DAB1: variants seen among roughly 807,000 people sequenced by gnomAD.
DAB1 encodes DAB adaptor protein 1, also known as disabled homolog 1.
DAB1 carries 15 observed loss-of-function variants against 64.6 expected under a neutral mutation model. The ratio of observed to expected loss-of-function variants is 0.23; its 90% CI spans 0.16 to 0.36. The LOEUF (loss-of-function observed/expected upper bound fraction) is 0.36, where lower values mean the gene tolerates loss of function less well. Among genes scored for constraint, DAB1 ranks in the 10% least tolerant of loss-of-function variants. The probability of loss-of-function intolerance (pLI) is 1.00; values close to 1 mark genes in which losing one functional copy is unlikely to be tolerated. For missense variants in DAB1, 596 were observed against 706.7 expected (o/e 0.84, Z 1.78); for synonymous variants, 235 against 251.9 (o/e 0.93, Z 0.64).
chr1:57,927,661 TTGTTA>T (rs1392458892), intron 5 of DAB1, among the ~76,000 whole-genome samples: 3 of 152,250 alleles, frequency 2.0e-5, no homozygotes, highest in Non-Finnish European at 4.4e-5. Context: ...TTATAGCGAC[TTGTTA>T]TGTTAAGTCA....
intron 5 of DAB1, among the ~76,000 whole-genome samples, chr1:58,043,048 T>C (rs1014127086): frequency 2.0e-5 from 3 of 152,134 alleles, no homozygotes; most frequent in Non-Finnish European, 4.4e-5. Context: ...AAGGAGTGTA[T>C]AAAGGAAATA....
At chr1:58,493,615 C>T (rs1645740520) in intron 3 of DAB1, among the ~76,000 whole-genome samples, 1 of 151,480 alleles carries the variant, frequency 6.6e-6, no homozygotes, top group South Asian at 2.1e-4. Context: ...CATTCTTATA[C>T]ACCAATAACA....
intron 7 of DAB1, among the ~76,000 whole-genome samples, chr1:57,604,572 G>A (rs1524711): frequency 0.43 from 65,890 of 151,846 alleles, 16,289 homozygotes; most frequent in Non-Finnish European, 0.55. Flanking sequence ...TATAAACTAC[G>A]GACCCACAGA....
intron 2 of DAB1, among the ~76,000 whole-genome samples, chr1:57,146,163 T>C (rs1355164269): frequency 6.6e-6 from 1 of 152,238 alleles, no homozygotes; most frequent in African/African-American, 2.4e-5. Flanking sequence ...AAGCGCTTCA[T>C]GCCAGATGTT....
chr1:57,016,216 T>C (rs1646425194), intron 11 of DAB1, among the ~76,000 whole-genome samples: 2 of 152,080 alleles, frequency 1.3e-5, no homozygotes, highest in South Asian at 4.1e-4. Context: ...ACAAGAGCCA[T>C]GTAATAAATG....
chr1:58,283,588 A>G (rs973304225), intron 4 of DAB1, among the ~76,000 whole-genome samples: 3 of 152,180 alleles, frequency 2.0e-5, no homozygotes, highest in Non-Finnish European at 4.4e-5. Context: ...CACATAAGTG[A>G]CTGTGCAAAC....
intron 6 of DAB1, among the ~76,000 whole-genome samples, chr1:57,710,289 C>G (rs141242178): frequency 1.3e-5 from 2 of 152,218 alleles, no homozygotes; most frequent in African/African-American, 4.8e-5. Context: ...TTACTTCTGC[C>G]TGGTGTCTCA....
intron 5 of DAB1, among the ~76,000 whole-genome samples, chr1:57,961,908 G>T (rs1219353954): frequency 1.3e-5 from 2 of 151,764 alleles, no homozygotes; most frequent in Admixed American, 6.6e-5. Flanking sequence ...GGAGGCGGAG[G>T]TTGCAGTGAG....
chr1:57,650,850 C>G (rs1004909092), intron 6 of DAB1, among the ~76,000 whole-genome samples: 25 of 152,130 alleles, frequency 1.6e-4, no homozygotes, highest in Admixed American at 2.0e-4. Flanking sequence ...CCATCTCTGC[C>G]TCCCCTGTTT....
chr1:57,107,377 TAAAAAAA>T (rs57669509), intron 4 of DAB1, among the ~76,000 whole-genome samples: 1 of 139,094 alleles, frequency 7.2e-6, no homozygotes. Flanking sequence ...TCTGTTTCAT[TAAAAAAA>T]AAAAAAAAAA....
At chr1:58,240,719 G>A (rs1220606765) in intron 4 of DAB1, among the ~76,000 whole-genome samples, 1 of 152,198 alleles carries the variant, frequency 6.6e-6, no homozygotes, top group Non-Finnish European at 1.5e-5. Context: ...TTCACTGGAA[G>A]CTGATGCACT....
intron 7 of DAB1, among the ~76,000 whole-genome samples, chr1:57,449,402 C>T (rs1205434127): frequency 2.2e-5 from 3 of 134,310 alleles, no homozygotes; most frequent in Admixed American, 7.6e-5. Context: ...TTTTTTTTGA[C>T]GTGGTCTTGC....
intron 7 of DAB1, among the ~76,000 whole-genome samples, chr1:57,617,734 G>A (rs1645805773): frequency 6.6e-6 from 1 of 152,152 alleles, no homozygotes; most frequent in Non-Finnish European, 1.5e-5. Context: ...TGGGAAAACA[G>A]AGAATCAGAG....
At chr1:58,098,507 G>C (rs551493029) in intron 5 of DAB1, among the ~76,000 whole-genome samples, 1 of 152,246 alleles carries the variant, frequency 6.6e-6, no homozygotes, top group Admixed American at 6.5e-5. Context: ...ACCCTCTGCT[G>C]ATGCTCCCTG....
chr1:58,314,622 T>C (rs1234986380), intron 4 of DAB1, among the ~76,000 whole-genome samples: 3 of 152,194 alleles, frequency 2.0e-5, no homozygotes, highest in Non-Finnish European at 4.4e-5. Flanking sequence ...GTGTTATTCT[T>C]GCTCCATTTT....
At chr1:57,884,527 T>A (rs1302133815), upstream of DAB1, among the ~76,000 whole-genome samples, 2 of 152,232 alleles carry the variant, frequency 1.3e-5, no homozygotes, top group African/African-American at 4.8e-5. Context: ...GATGAATCTA[T>A]CTGTAGGATA....
intron 7 of DAB1, among the ~76,000 whole-genome samples, chr1:57,571,352 C>A (rs964545294): frequency 6.6e-6 from 1 of 152,126 alleles, no homozygotes; most frequent in African/African-American, 2.4e-5. Flanking sequence ...GTTCTCCCTG[C>A]CTTTAGTGTC....
At chr1:58,337,590 G>A (rs887096863) in intron 4 of DAB1, among the ~76,000 whole-genome samples, 1 of 152,212 alleles carries the variant, frequency 6.6e-6, no homozygotes, top group Middle Eastern at 3.4e-3. Flanking sequence ...ATGTTTTCTT[G>A]ACCTTGGCTT....
chr1:57,411,995 G>C (rs1684150454), intron 1 of DAB1, among the ~76,000 whole-genome samples: 1 of 152,130 alleles, frequency 6.6e-6, no homozygotes, highest in Non-Finnish European at 1.5e-5. Context: ...TCCAACAGCA[G>C]GTGCTCACTT....
Sources: gnomAD v4.1 joint callset for allele counts (sites outside exome capture counted in the v4.1 genomes callset) on GRCh38, gnomAD v4.1.1 for gene constraint, MANE v1.5 for transcripts, NCBI Gene and HGNC (gene_info 2026-07-23, HGNC 2026-07-21) for gene names.